NEK4: variants seen among roughly 807,000 people sequenced by gnomAD.
NEK4 encodes the protein serine/threonine-protein kinase Nek4.
A neutral mutation model predicts 98.4 loss-of-function variants in NEK4; 86 were observed. That is an observed-to-expected ratio of 0.87 (90% CI 0.73 to 1.05). The LOEUF (loss-of-function observed/expected upper bound fraction) is 1.05. NEK4 is among the 50% of genes least tolerant of loss of function. The pLI is 0.00. For synonymous variants in NEK4, 328 were observed against 342.2 expected (o/e 0.96, Z 0.46); for missense variants, 898 against 950.3 (o/e 0.94, Z 0.72).
At chr3:52,751,455 C>CA (rs11426928) in intron 7 of NEK4, among the ~76,000 whole-genome samples, 51,385 of 125,418 alleles carry the variant, frequency 0.41, 11,234 homozygotes, top group African/African-American at 0.59. Flanking sequence ...GACTCTGTCT[C>CA]AAAAAAAAAA....
At chr3:52,727,561 C>G (rs2097365698) in intron 15 of NEK4, among the ~76,000 whole-genome samples, 1 of 152,188 alleles carries the variant, frequency 6.6e-6, no homozygotes, top group Non-Finnish European at 1.5e-5. Context: ...CTCCGACCTC[C>G]ACCTCCCAGG....
At position 52,709,064 on chromosome 3, in the gene NEK4, G is replaced by C. The variant is rs1225580473; in HGVS notation, c.*2713C>G. ...CAGCCAGGCATGGTGGTGTGTGCCTGTAATCCCAGCTACTCGGGAGGCTGA... is the reference window on the plus strand; with the variant it reads ...CAGCCAGGCATGGTGGTGTGTGCCTCTAATCCCAGCTACTCGGGAGGCTGA... On this transcript the variant is annotated 3_prime_UTR_variant, in exon 16 of 16. Transcript: ENST00000233027. 1 of 152,054 alleles carries C rather than the reference G, an allele frequency of 6.6e-6. No individual in the cohort carries two copies. Among genetic ancestry groups the C allele is most frequent in the African/African-American group, 2.4e-5 (1 of 41,332 alleles). 9.4% of individuals were successfully genotyped at this position (152,054 alleles called of 1,614,324 possible).
chr3:52,769,536 G>C (rs1342072324), intron 1 of NEK4, among the ~76,000 whole-genome samples: 2 of 152,108 alleles, frequency 1.3e-5, no homozygotes, highest in African/African-American at 2.4e-5. Flanking sequence ...CAAATAACTA[G>C]CTATTGCTAG....
chr3:52,718,519 C>T (rs533081717), intron 15 of NEK4, among the ~76,000 whole-genome samples: 89 of 151,598 alleles, frequency 5.9e-4, no homozygotes, highest in African/African-American at 2.1e-3. Flanking sequence ...CTTTTACCTT[C>T]TCTTCATCAG....
intron 5 of NEK4, among the ~76,000 whole-genome samples, chr3:52,762,890 C>A (rs1698408555): frequency 2.0e-5 from 3 of 151,792 alleles, no homozygotes; most frequent in Non-Finnish European, 4.4e-5. Context: ...CAAAAAAAAA[C>A]AAACAAAAAA....
intron 6 of NEK4, chr3:52,753,946 A>G (rs1345104913): frequency 3.5e-6 from 1 of 283,240 alleles, no homozygotes; most frequent in Non-Finnish European, 6.9e-6. Flanking sequence ...GAGGCGGTGG[A>G]GCACTCAGGA....
At chr3:52,733,500 G>C (rs532604898) in intron 15 of NEK4, 8 of 450,280 alleles carry the variant, frequency 1.8e-5, no homozygotes, top group African/African-American at 1.2e-4. Flanking sequence ...TCACTCAACA[G>C]AGAAGTCATA....
chr3:52,760,204 TTTTATTTTA>T (rs1238598115), intron 6 of NEK4, among the ~76,000 whole-genome samples: 1 of 152,092 alleles, frequency 6.6e-6, no homozygotes, highest in Non-Finnish European at 1.5e-5. Context: ...TATTTATTTA[TTTTATTTTA>T]TTTATTTTTA....
intron 8 of NEK4, among the ~76,000 whole-genome samples, chr3:52,748,767 G>C (rs145977293): frequency 2.9e-4 from 44 of 152,172 alleles, no homozygotes; most frequent in Middle Eastern, 3.4e-3. Flanking sequence ...AAAGTACTTA[G>C]GACTATGTCT....
At chr3:52,736,895 G>C (rs1158192930) in intron 15 of NEK4, among the ~76,000 whole-genome samples, 3 of 152,056 alleles carry the variant, frequency 2.0e-5, no homozygotes, top group Non-Finnish European at 2.9e-5. Flanking sequence ...CTAAATTTTT[G>C]ATTTAGAATG....
intron 4 of NEK4, 81 bp from the exon 5 acceptor site, chr3:52,763,705 T>C: frequency 5.8e-6 from 6 of 1,041,518 alleles, no homozygotes; most frequent in African/African-American, 3.2e-5. Flanking sequence ...TCCCAATATT[T>C]ATTTATAGTC....
In NEK4 at chr3:52,768,491, C is replaced by T. The variant is rs760056125; in HGVS notation, c.207G>A (p.Lys69=). 6.2e-7 allele frequency: 1 copy of T among 1,614,222 alleles called. No homozygotes were observed. The highest frequency in any genetic ancestry group is 8.5e-7 in the Non-Finnish European group (1 of 1,180,028). The change falls in exon 2 of 16, where the codon AAG becomes AAA. Residue 69 remains lysine (K), a synonymous_variant. Coordinates refer to ENST00000233027, the MANE Select transcript of NEK4 (RefSeq NM_003157.6). ...GACCATCTCCTCCTTCCCATGACTC[C>T]TTGTAGGTGACAATGTTGGGATGCT... ...QLKHPNIVTY[K]ESWEGGDGLL...
intron 15 of NEK4, among the ~76,000 whole-genome samples, chr3:52,722,324 T>C (rs969348207): frequency 1.3e-5 from 2 of 152,000 alleles, no homozygotes; most frequent in East Asian, 1.9e-4. Flanking sequence ...TGAACGTGGG[T>C]ACAAGCTATA....
At chr3:52,742,576 A>G (rs1469944250) in intron 12 of NEK4, among the ~76,000 whole-genome samples, 1 of 152,158 alleles carries the variant, frequency 6.6e-6, no homozygotes. Context: ...ATGGGTTAGA[A>G]ACCTAGTAAT....
chr3:52,726,918 G>GC (rs2097365126), intron 15 of NEK4, among the ~76,000 whole-genome samples: 2 of 150,462 alleles, frequency 1.3e-5, no homozygotes, highest in African/African-American at 2.4e-5. Context: ...AAATAAATAA[G>GC]AGGACTTGAA....
In NEK4 at chr3:52,765,934, T is replaced by C. The variant is rs762213830; in HGVS notation, c.619A>G (p.Asn207Asp). The C allele has an allele frequency of 6.2e-7, 1 of 1,613,018 alleles. No individual in the cohort carries two copies. Among genetic ancestry groups the C allele is most frequent in the South Asian group, 1.1e-5 (1 of 91,044 alleles). Residue 207 changes from asparagine (N) to aspartate (D), a missense_variant, in exon 4 of 16, where the codon AAT becomes GAT. By Grantham distance (23) the Asn-to-Asp change is conservative. Coordinates refer to ENST00000233027, the MANE Select transcript of NEK4 (RefSeq NM_003157.6). ...ACTAAAGAATTCATATCTTTTGCAT[T>C]GAAAGCATGCTTCAAGGTGGCCATT... The part of the protein sequence containing the change: ...YEMATLKHAF[N>D]AKDMNSLVYR...
chr3:52,723,448 T>C (rs1253378449), intron 15 of NEK4, among the ~76,000 whole-genome samples: 1 of 151,966 alleles, frequency 6.6e-6, no homozygotes, highest in Non-Finnish European at 1.5e-5. Context: ...TTTACCATGT[T>C]GGTCAGGCTG....
chr3:52,726,295 ATT>A (rs1476775577), intron 15 of NEK4, among the ~76,000 whole-genome samples: 1 of 152,152 alleles, frequency 6.6e-6, no homozygotes, highest in Non-Finnish European at 1.5e-5. Context: ...GCAGAAGATA[ATT>A]AAGAAAATAG....
chr3:52,713,273 A>G (rs971803379), intron 15 of NEK4, among the ~76,000 whole-genome samples: 10 of 152,184 alleles, frequency 6.6e-5, no homozygotes, highest in Middle Eastern at 3.2e-3. Context: ...AAAAATGTAT[A>G]ACCTAAATCT....
Sources: gnomAD v4.1 joint callset for allele counts (sites outside exome capture counted in the v4.1 genomes callset) on GRCh38, gnomAD v4.1.1 for gene constraint, MANE v1.5 for transcripts, NCBI Gene and HGNC (gene_info 2026-07-23, HGNC 2026-07-21) for gene names.